The following MFHAS1 variants were observed in gnomAD, a reference collection of about 807,000 sequenced individuals.
MFHAS1 encodes the protein multifunctional ROCO family signaling regulator 1, also known as malignant fibrous histiocytoma-amplified sequence 1.
A neutral mutation model predicts 70.4 loss-of-function variants in MFHAS1; 50 were observed. That is an observed-to-expected ratio of 0.71 (90% CI 0.57 to 0.90). The LOEUF (loss-of-function observed/expected upper bound fraction) is 0.90. MFHAS1 is among the 40% of genes least tolerant of loss of function. MFHAS1 has a pLI of 0.00. For missense variants in MFHAS1, 1,795 were observed against 1,347.6 expected, an observed-to-expected ratio of 1.33 and a Z score of -5.20; for synonymous variants, 952 against 620.0, an observed-to-expected ratio of 1.54 and a Z score of -7.96.
At chr8:8,799,620 T>G (rs1231519193) in intron 1 of MFHAS1, among the ~76,000 whole-genome samples, 1 of 152,118 alleles carries the variant, frequency 6.6e-6, no homozygotes, top group Non-Finnish European at 1.5e-5. Flanking sequence ...GCCAGGCATG[T>G]TGGCGGGCAC....
At chr8:8,819,816 A>G (rs1483475805) in intron 1 of MFHAS1, among the ~76,000 whole-genome samples, 1 of 151,994 alleles carries the variant, frequency 6.6e-6, no homozygotes, top group Non-Finnish European at 1.5e-5. Flanking sequence ...CTTCTGCCTC[A>G]GCCTCCCGAG....
chr8:8,839,639 A>G (rs2116850804), intron 1 of MFHAS1, among the ~76,000 whole-genome samples: 1 of 152,272 alleles, frequency 6.6e-6, no homozygotes, highest in Non-Finnish European at 1.5e-5. Flanking sequence ...ATATAAACAA[A>G]CTTTGAAAAT....
intron 1 of MFHAS1, among the ~76,000 whole-genome samples, chr8:8,869,296 T>C (rs1420908809): frequency 1.3e-5 from 2 of 152,236 alleles, no homozygotes; most frequent in Non-Finnish European, 2.9e-5. Context: ...TGACCTCTGC[T>C]TTTACAAGCA....
At chr8:8,814,779 C>T (rs1806674800) in intron 1 of MFHAS1, among the ~76,000 whole-genome samples, 1 of 151,344 alleles carries the variant, frequency 6.6e-6, no homozygotes, top group East Asian at 1.9e-4. Context: ...AAAAGACACT[C>T]AACGTGATGC....
intron 1 of MFHAS1, among the ~76,000 whole-genome samples, chr8:8,889,636 C>A (rs1319512346): frequency 6.6e-6 from 1 of 152,198 alleles, no homozygotes; most frequent in Non-Finnish European, 1.5e-5. Flanking sequence ...AATTGTGACA[C>A]TGGACACTTG....
At chr8:8,817,559 G>C (rs927706081) in intron 1 of MFHAS1, among the ~76,000 whole-genome samples, 1 of 152,196 alleles carries the variant, frequency 6.6e-6, no homozygotes, top group Admixed American at 6.5e-5. Flanking sequence ...GAGTGCTGCC[G>C]CAGTGCCCCT....
intron 1 of MFHAS1, among the ~76,000 whole-genome samples, chr8:8,825,011 G>C (rs960393822): frequency 1.3e-5 from 2 of 152,230 alleles, no homozygotes; most frequent in African/African-American, 4.8e-5. Flanking sequence ...CCAAGGAAGG[G>C]AATAGAGGCA....
At chr8:8,847,468 C>T (rs1808078912) in intron 1 of MFHAS1, among the ~76,000 whole-genome samples, 1 of 152,196 alleles carries the variant, frequency 6.6e-6, no homozygotes, top group South Asian at 2.1e-4. Flanking sequence ...AGGTGTGAGT[C>T]ACCACGCCCG....
intron 1 of MFHAS1, among the ~76,000 whole-genome samples, chr8:8,804,265 G>A (rs1375911197): frequency 6.6e-6 from 1 of 152,054 alleles, no homozygotes; most frequent in Non-Finnish European, 1.5e-5. Context: ...ACACATCTCT[G>A]CAACTCTTCA....
rs765051077 is a variant in MFHAS1, at chr8:8,891,903, T to G, written c.1156A>C (p.Met386Leu). The G allele has an allele frequency of 1.2e-6, 2 of 1,611,000 alleles. No homozygotes were observed. Among genetic ancestry groups the G allele is most frequent in the Non-Finnish European group, 1.7e-6 (2 of 1,178,418 alleles). ...PLIQPPYEVCMKGIPYIAAYQ... is the reference protein window; with the variant it reads ...PLIQPPYEVCLKGIPYIAAYQ... ...GCTGCGATGTAGGGGATCCCCTTCA[T>G]GCAGACCTCGTAGGGGGGCTGGATC... The change falls in exon 1 of 3, where the codon ATG becomes CTG. Residue 386 changes from methionine (M) to leucine (L), a missense_variant. Coordinates refer to ENST00000276282, the MANE Select transcript of MFHAS1 (RefSeq NM_004225.3). This position sits in a 1 kb window ranked among gnomAD's most constrained non-coding sequence, Gnocchi z 5.4.
intron 1 of MFHAS1, among the ~76,000 whole-genome samples, chr8:8,888,387 A>T (rs775497728): frequency 7.3e-5 from 11 of 151,688 alleles, no homozygotes; most frequent in Non-Finnish European, 8.8e-5. Flanking sequence ...CCATTTCATC[A>T]CCCCTCCGGG....
intron 1 of MFHAS1, among the ~76,000 whole-genome samples, chr8:8,857,453 G>A (rs73525766): frequency 0.033 from 5,009 of 152,082 alleles, 247 homozygotes; most frequent in African/African-American, 0.11. Context: ...GAAATAATAA[G>A]AATTCTAATT....
At chr8:8,786,643 A>T (rs1479036189) in intron 2 of MFHAS1, among the ~76,000 whole-genome samples, 1 of 152,074 alleles carries the variant, frequency 6.6e-6, no homozygotes, top group Non-Finnish European at 1.5e-5. Context: ...AAAAAATATC[A>T]AGTGTTTTTC....
intron 1 of MFHAS1, among the ~76,000 whole-genome samples, chr8:8,869,599 G>A (rs1379742354): frequency 1.3e-5 from 2 of 152,102 alleles, no homozygotes; most frequent in African/African-American, 2.4e-5. Flanking sequence ...TCATAAGAGG[G>A]TGGCTACACG....
At chr8:8,793,868 T>C (rs1164714847) in intron 2 of MFHAS1, among the ~76,000 whole-genome samples, 1 of 152,174 alleles carries the variant, frequency 6.6e-6, no homozygotes, top group Non-Finnish European at 1.5e-5. Context: ...CCCTGAGAAA[T>C]TCTAACTTAA....
At position 8,890,215 on chromosome 8, in the gene MFHAS1, T is replaced by G. The variant is rs767127217; in HGVS notation, c.2844A>C (p.Ser948=). ...PDTLSIASHA[S]LPNIWTAWQA... ...GCCATGCGGTCCATATATTTGGTAA[T>G]GATGCATGGCTAGCAATGGACAGGG... The change falls in exon 1 of 3, where the codon TCA becomes TCC. Residue 948 remains serine (S), a synonymous_variant. Coordinates refer to ENST00000276282, the MANE Select transcript of MFHAS1 (RefSeq NM_004225.3). The G allele has an allele frequency of 1.9e-6, 3 of 1,614,180 alleles. No individual in the cohort carries two copies. The highest frequency in any genetic ancestry group is 2.5e-6 in the Non-Finnish European group (3 of 1,180,030).
intron 1 of MFHAS1, among the ~76,000 whole-genome samples, chr8:8,862,779 G>T (rs1389689398): frequency 6.6e-6 from 1 of 152,158 alleles, no homozygotes; most frequent in Admixed American, 6.5e-5. Context: ...GTCCCACTGT[G>T]GTTGGGGATG....
At chr8:8,835,157 G>C (rs1164568492) in intron 1 of MFHAS1, among the ~76,000 whole-genome samples, 1 of 146,664 alleles carries the variant, frequency 6.8e-6, no homozygotes, top group Admixed American at 7.1e-5. Context: ...GTGAGCATTA[G>C]GGGAGTGAGG....
chr8:8,868,057 T>C (rs1356495154), intron 1 of MFHAS1, among the ~76,000 whole-genome samples: 1 of 152,084 alleles, frequency 6.6e-6, no homozygotes, highest in East Asian at 1.9e-4. Flanking sequence ...AGACTGACTT[T>C]TATCATTTAT....
Sources: gnomAD v4.1 joint callset for allele counts (sites outside exome capture counted in the v4.1 genomes callset) on GRCh38, gnomAD v4.1.1 for gene constraint, Gnocchi (gnomAD v3.1) non-coding constraint, MANE v1.5 for transcripts, NCBI Gene and HGNC (gene_info 2026-07-23, HGNC 2026-07-21) for gene names.